Variants in APP observed in about 807,000 individuals in gnomAD.
APP encodes the protein amyloid-beta precursor protein.
Under a neutral mutation model 101.4 loss-of-function variants are expected in APP, and 31 were observed. That is an observed-to-expected ratio of 0.31 (90% CI 0.23 to 0.41). The LOEUF (loss-of-function observed/expected upper bound fraction) is 0.41. Ranked by LOEUF, APP falls within the 10% of genes least tolerant of loss-of-function variation. The probability of loss-of-function intolerance (pLI) is 1.00; values close to 1 mark genes in which losing one functional copy is unlikely to be tolerated. For missense variants in APP, 839 were observed against 1,003.7 expected (o/e 0.84, Z 2.22); for synonymous variants, 366 against 364.4 (o/e 1.00, Z -0.05).
chr21:26,061,330 T>C (rs1362699125), intron 3 of APP, among the ~76,000 whole-genome samples: 1 of 152,260 alleles, frequency 6.6e-6, no homozygotes, highest in East Asian at 1.9e-4. Context: ...TACTAACTTG[T>C]ATACACTAGA....
chr21:26,140,395 G>A lies in APP; in HGVS notation c.58-28249C>T, dbSNP rs150263059. 188 of 1,444,562 alleles carry A rather than the reference G, an allele frequency of 1.3e-4. 2 individuals are homozygous for A. The South Asian group carries it at 1.4e-3, about 11-fold the overall frequency. The allele number at this position is 1,444,562 out of a possible 1,614,324, so 89.5% of individuals were successfully genotyped here. A position where few individuals can be genotyped will look rare whatever the true frequency, so the allele number is the denominator to read the frequency against. On this transcript the variant is annotated intron_variant, in intron 1 of 17. Coordinates refer to ENST00000346798, the MANE Select transcript of APP (RefSeq NM_000484.4). Reference sequence around the variant, plus strand: ...CACAGCAAGGCTGTGCTATTTAGGCGTGGATCACACGCACACTGCGCCAAC... The same window carrying A: ...CACAGCAAGGCTGTGCTATTTAGGCATGGATCACACGCACACTGCGCCAAC...
rs1007350838 is a variant in APP at position 25,936,543 on chromosome 21, CAACAA to C, written c.1687+18042_1687+18046del. Among the ~76,000 whole-genome samples, 45 of 152,260 alleles carry C rather than the reference CAACAA, an allele frequency of 3.0e-4. 1 individual carries two copies. The highest frequency in any genetic ancestry group is 1.1e-3 in the African/African-American group (45 of 41,576). ...GGGCAACAAGAGCGAAACTCTGTCT[CAACAA>C]AACAAAAGAAGAAGAGGAAGAGACA... On this transcript the variant is annotated intron_variant, in intron 13 of 17. Transcript: ENST00000346798.
In APP at chr21:26,021,961, A is replaced by C; in HGVS notation, c.744T>G (p.Asp248Glu). 1 of 1,613,722 alleles carries C rather than the reference A, an allele frequency of 6.2e-7. No homozygotes were observed. ...EEEEADDDED[D>E]EDGDEVEEEA... ...CTTCCTCTACCTCATCACCATCCTC[A>C]TCGTCCTCGTCATCATCGGCTTCTT... Residue 248 changes from aspartate (D) to glutamate (E), a missense_variant, in exon 6 of 18, where the codon GAT becomes GAG. Transcript: ENST00000346798.
chr21:26,011,098 G>A (rs1187125152), intron 6 of APP, among the ~76,000 whole-genome samples: 2 of 151,438 alleles, frequency 1.3e-5, no homozygotes, highest in Non-Finnish European at 2.9e-5. Flanking sequence ...TTTTTGAGAC[G>A]GCATCTCAGT....
intron 5 of APP, among the ~76,000 whole-genome samples, chr21:26,040,050 C>G (rs912234309): frequency 2.6e-5 from 4 of 151,890 alleles, no homozygotes; most frequent in African/African-American, 9.7e-5. Context: ...AGATGGGACC[C>G]AAGTATAAAC....
At chr21:26,152,498 A>C (rs973701391) in intron 1 of APP, among the ~76,000 whole-genome samples, 4 of 152,102 alleles carry the variant, frequency 2.6e-5, no homozygotes, top group African/African-American at 9.7e-5. Context: ...AAAATGTAGG[A>C]TCTAAAACGT....
intron 13 of APP, among the ~76,000 whole-genome samples, chr21:25,927,286 C>T (rs1004615895): frequency 6.6e-6 from 1 of 151,972 alleles, no homozygotes; most frequent in African/African-American, 2.4e-5. Flanking sequence ...AGAACACTCT[C>T]CCAAGTCTTT....
chr21:26,168,755 T>C (rs1011714407), intron 1 of APP, among the ~76,000 whole-genome samples: 4 of 152,216 alleles, frequency 2.6e-5, no homozygotes, highest in African/African-American at 9.6e-5. Flanking sequence ...TTCTCTTAGT[T>C]AAGTGCATTT....
At chr21:25,957,696 A>C (rs2041384012) in intron 11 of APP, among the ~76,000 whole-genome samples, 1 of 152,072 alleles carries the variant, frequency 6.6e-6, no homozygotes, top group African/African-American at 2.4e-5. Flanking sequence ...AGTTTAAATA[A>C]GAAAAAAAAA....
chr21:25,913,153 T>G (rs1445301010), intron 13 of APP, among the ~76,000 whole-genome samples: 1 of 151,974 alleles, frequency 6.6e-6, no homozygotes, highest in Non-Finnish European at 1.5e-5. Context: ...TCTTTTCTAT[T>G]GACAAAAAAT....
rs765734593 is a variant in APP at position 26,000,079 on chromosome 21, T to A, written c.969A>T (p.Gly323=). The change falls in exon 7 of 18, where the codon GGA becomes GGT. Residue 323 remains glycine, a synonymous_variant. Transcript: ENST00000346798. ...EGKCAPFFYG[G]CGGNRNNFDT... ...CAAAGTTGTTCCGGTTGCCGCCACA[T>A]CCGCCGTAAAAGAATGGGGCACACT... 8.1e-6 allele frequency: 13 copies of A among 1,613,988 alleles called. No individual in the cohort carries two copies. Among genetic ancestry groups the A allele is most frequent in the Non-Finnish European group, 1.1e-5 (13 of 1,180,020 alleles).
In APP at chr21:26,084,523, G is replaced by GT. The variant is rs1555871904; in HGVS notation, c.355+5419_355+5420insA. The stretch of plus-strand genomic sequence containing the variant: ...CGAAGTTCTGGGATTACAGGCGTGA[G>GT]CACCGCGCCCGGCCGAAGACACCAT... On this transcript the variant is annotated intron_variant, in intron 3 of 17. Coordinates refer to ENST00000346798, the MANE Select transcript of APP (RefSeq NM_000484.4). Among the ~76,000 whole-genome samples, 93 of 152,328 alleles carry GT rather than the reference G, an allele frequency of 6.1e-4. 1 individual carries two copies. In the South Asian group the frequency reaches 9.5e-3, roughly 16 times the overall value.
chr21:26,121,776 T>C (rs531881875), intron 1 of APP, among the ~76,000 whole-genome samples: 6 of 152,256 alleles, frequency 3.9e-5, no homozygotes. Flanking sequence ...CTTACGCTAA[T>C]ATGCTTAATG....
chr21:25,891,651 A>T lies in APP; in HGVS notation c.2211+71T>A, dbSNP rs1030998813. 18 of 1,486,046 alleles carry T rather than the reference A, an allele frequency of 1.2e-5. No individual in the cohort carries two copies. In the African/African-American group the frequency reaches 2.4e-4, roughly 19 times the overall value. The allele number at this position is 1,486,046 out of a possible 1,614,324, so 92.1% of individuals were successfully genotyped here. Reference sequence around the variant, plus strand: ...TAAAAGAGATACTTAGCTAGTTCTTAGCAAAAAGCTAAGCCTAATTCTCTC... The same window carrying T: ...TAAAAGAGATACTTAGCTAGTTCTTTGCAAAAAGCTAAGCCTAATTCTCTC... On this transcript the variant is annotated intron_variant, in intron 17 of 17. Coordinates refer to ENST00000346798, the MANE Select transcript of APP (RefSeq NM_000484.4).
At chr21:26,111,136 A>C (rs918724259) in intron 2 of APP, among the ~76,000 whole-genome samples, 1 of 150,414 alleles carries the variant, frequency 6.6e-6, no homozygotes, top group Non-Finnish European at 1.5e-5. Context: ...TGAACTTTGT[A>C]CTTTTTTTGT....
At chr21:25,958,748 A>C (rs569266851) in intron 11 of APP, among the ~76,000 whole-genome samples, 5 of 152,324 alleles carry the variant, frequency 3.3e-5, no homozygotes, top group South Asian at 4.1e-4. Context: ...ATACACATTT[A>C]TTTCTTTCAC....
intron 11 of APP, among the ~76,000 whole-genome samples, chr21:25,973,346 T>C (rs150513264): frequency 6.6e-6 from 1 of 152,040 alleles, no homozygotes; most frequent in African/African-American, 2.4e-5. Flanking sequence ...ACTTCAAATA[T>C]AAAGACAAAC....
intron 1 of APP, among the ~76,000 whole-genome samples, chr21:26,129,211 G>A (rs11910723): frequency 0.34 from 51,786 of 151,934 alleles, 9,235 homozygotes; most frequent in African/African-American, 0.45. Flanking sequence ...CATGGCTCAC[G>A]CCTGTAATCC....
At chr21:26,051,671 A>C (rs965572734) in intron 4 of APP, among the ~76,000 whole-genome samples, 1 of 152,200 alleles carries the variant, frequency 6.6e-6, no homozygotes, top group Admixed American at 6.5e-5. Context: ...TCAGAGTAAC[A>C]ATCCTGGGAA....
Sources: allele counts gnomAD v4.1 joint callset (sites outside exome capture counted in the v4.1 genomes callset), GRCh38; gene constraint gnomAD v4.1.1; transcripts MANE v1.5; gene names NCBI Gene and HGNC (gene_info 2026-07-23, HGNC 2026-07-21).